MYO10: variants seen among roughly 807,000 people sequenced by gnomAD.
MYO10 encodes the protein myosin X, also known as unconventional myosin-X.
In MYO10, 133 loss-of-function variants were observed where a neutral mutation model predicts 257.3. The ratio of observed to expected loss-of-function variants is 0.52; its 90% CI spans 0.45 to 0.60. The LOEUF (loss-of-function observed/expected upper bound fraction) is 0.60. Among genes scored for constraint, MYO10 ranks in the 20% least tolerant of loss-of-function variants. The pLI, the probability that MYO10 is intolerant of heterozygous loss-of-function variation, is 0.00. For missense variants in MYO10, 2,399 were observed against 2,635.7 expected, an observed-to-expected ratio of 0.91 and a Z score of 1.97; for synonymous variants, 1,104 against 1,028.6, an observed-to-expected ratio of 1.07 and a Z score of -1.40.
chr5:16,680,891 G>A (rs984078908), intron 32 of MYO10, among the ~76,000 whole-genome samples: 5 of 152,098 alleles, frequency 3.3e-5, no homozygotes, highest in Non-Finnish European at 7.3e-5. Flanking sequence ...GCTACTCCTC[G>A]GGAGGCTGAG....
intron 37 of MYO10, 40 bp from the exon 38 acceptor site, chr5:16,671,582 G>T (rs543937673): frequency 1.2e-6 from 2 of 1,613,324 alleles, no homozygotes; most frequent in South Asian, 2.2e-5. Context: ...ATATGAACGA[G>T]AAGGGCCTTC....
chr5:16,872,888 T>A (rs1284629550), intron 2 of MYO10, among the ~76,000 whole-genome samples: 3 of 152,106 alleles, frequency 2.0e-5, no homozygotes, highest in African/African-American at 7.2e-5. Context: ...CCCCTCTGGG[T>A]CCCTTCCACA....
chr5:16,740,579 C>A (rs1017992647), intron 19 of MYO10, among the ~76,000 whole-genome samples: 10 of 152,066 alleles, frequency 6.6e-5, no homozygotes, highest in Admixed American at 5.9e-4. Context: ...GGAAGCCGAC[C>A]GACTGGGGTC....
chr5:16,828,359 A>G (rs374339698), intron 2 of MYO10, among the ~76,000 whole-genome samples: 1 of 152,130 alleles, frequency 6.6e-6, no homozygotes, highest in Non-Finnish European at 1.5e-5. Flanking sequence ...TAATCCCAGC[A>G]CTTTGGGAAG....
chr5:16,914,425 C>T (rs568334830), intron 1 of MYO10, among the ~76,000 whole-genome samples: 1 of 152,326 alleles, frequency 6.6e-6, no homozygotes, highest in African/African-American at 2.4e-5. Context: ...TATCAGATAG[C>T]GGTCAGCAGA....
chr5:16,757,238 C>T (rs905113502), intron 18 of MYO10, among the ~76,000 whole-genome samples: 8 of 146,694 alleles, frequency 5.5e-5, no homozygotes, highest in Admixed American at 1.4e-4. Flanking sequence ...TGCAGTGAGG[C>T]GTGATTACAC....
At chr5:16,719,985 CGTGCGTGT>C (rs1378566966) in intron 19 of MYO10, among the ~76,000 whole-genome samples, 2 of 83,866 alleles carry the variant, frequency 2.4e-5, no homozygotes, top group African/African-American at 1.2e-4. Context: ...AATGTGTGTG[CGTGCGTGT>C]GTGTGTGTGT....
At chr5:16,892,990 T>C (rs564059908) in intron 1 of MYO10, among the ~76,000 whole-genome samples, 1 of 151,110 alleles carries the variant, frequency 6.6e-6, no homozygotes, top group African/African-American at 2.4e-5. Flanking sequence ...GGTCAGGAGA[T>C]CAAGACCATC....
At chr5:16,796,412 GAAAGAAAGGAAAAAGAAAGA>G (rs1741960132) in intron 3 of MYO10, among the ~76,000 whole-genome samples, 1 of 104,814 alleles carries the variant, frequency 9.5e-6, no homozygotes, top group African/African-American at 3.7e-5. Context: ...AAAAAGAAAG[GAAAGAAAGGAAAAAGAAAGA>G]AAAGAAAGAC....
chr5:16,906,282 A>AT (rs1459266605), intron 1 of MYO10, among the ~76,000 whole-genome samples: 1 of 152,152 alleles, frequency 6.6e-6, no homozygotes, highest in Non-Finnish European at 1.5e-5. Flanking sequence ...GATGAAAAGA[A>AT]TTTGAGTCCT....
chr5:16,765,278 GGCAGA>G (rs1740831020), intron 11 of MYO10, among the ~76,000 whole-genome samples: 1 of 152,048 alleles, frequency 6.6e-6, no homozygotes, highest in African/African-American at 2.4e-5. Flanking sequence ...AAATAAAGCA[GGCAGA>G]AAAATGCGAA....
chr5:16,825,237 C>T (rs992148755), intron 2 of MYO10, among the ~76,000 whole-genome samples: 3 of 152,212 alleles, frequency 2.0e-5, no homozygotes, highest in African/African-American at 4.8e-5. Context: ...TCTCGGAAGA[C>T]ACCAGTGGTC....
At chr5:16,762,960 T>A (rs1218683591) in intron 14 of MYO10, among the ~76,000 whole-genome samples, 1 of 134,678 alleles carries the variant, frequency 7.4e-6, no homozygotes, top group African/African-American at 2.9e-5. Flanking sequence ...TGAGACTCCG[T>A]CTCAGGGGAA....
chr5:16,782,831 C>T (rs1026285376), intron 5 of MYO10, among the ~76,000 whole-genome samples: 3 of 152,264 alleles, frequency 2.0e-5, no homozygotes, highest in Non-Finnish European at 4.4e-5. Flanking sequence ...ATATAGAATG[C>T]ATCACTCATC....
intron 1 of MYO10, among the ~76,000 whole-genome samples, chr5:16,895,375 C>T (rs1745188064): frequency 6.6e-6 from 1 of 152,178 alleles, no homozygotes; most frequent in South Asian, 2.1e-4. Flanking sequence ...CCATCAAATA[C>T]AGCCATGTCC....
At chr5:16,719,454 C>T (rs140443294) in intron 19 of MYO10, among the ~76,000 whole-genome samples, 67 of 152,290 alleles carry the variant, frequency 4.4e-4, no homozygotes, top group Admixed American at 1.8e-3. Context: ...CTGCATGTGA[C>T]AACGTATATA....
At chr5:16,817,615 AG>A (rs1742663902) in intron 3 of MYO10, among the ~76,000 whole-genome samples, 1 of 152,222 alleles carries the variant, frequency 6.6e-6, no homozygotes, top group Non-Finnish European at 1.5e-5. Flanking sequence ...CCACAGAAAG[AG>A]AAAAATCCAG....
At chr5:16,736,415 T>A (rs1343418480) in intron 19 of MYO10, among the ~76,000 whole-genome samples, 4 of 152,158 alleles carry the variant, frequency 2.6e-5, no homozygotes, top group African/African-American at 4.8e-5. Flanking sequence ...CTGCAAACAA[T>A]GGCTGCTCTG....
chr5:16,781,637 T>C (rs1179974934), intron 6 of MYO10, 68 bp downstream of exon 6: 2 of 1,448,474 alleles, frequency 1.4e-6, no homozygotes, highest in African/African-American at 1.4e-5. Context: ...TCAATCCTTA[T>C]AATTAGTGAG....
Sources: gnomAD v4.1 joint callset for allele counts (sites outside exome capture counted in the v4.1 genomes callset) on GRCh38, gnomAD v4.1.1 for gene constraint, MANE v1.5 for transcripts, NCBI Gene and HGNC (gene_info 2026-07-23, HGNC 2026-07-21) for gene names.